The following MRPS22 variants were observed in gnomAD, a reference collection of about 807,000 sequenced individuals.
MRPS22 encodes small ribosomal subunit protein mS22.
MRPS22 carries 30 observed loss-of-function variants against 44.0 expected under a neutral mutation model. That is an observed-to-expected ratio of 0.68 (90% CI 0.51 to 0.93). MRPS22 has a LOEUF of 0.93. Among genes scored for constraint, MRPS22 ranks in the 40% least tolerant of loss-of-function variants. MRPS22 has a pLI of 0.00. For missense variants in MRPS22, 447 were observed against 447.8 expected (o/e 1.00, Z 0.02); for synonymous variants, 165 against 154.4 (o/e 1.07, Z -0.51).
At chr3:139,351,707 TAGAG>T (rs1213827874) in intron 5 of MRPS22, 2 of 157,964 alleles carry the variant, frequency 1.3e-5, no homozygotes, top group East Asian at 1.8e-4. Context: ...GTGTTTCAGG[TAGAG>T]AGAACAGTAT....
chr3:139,344,685 AC>A (rs1560004406), intron 1 of MRPS22: 3 of 701,172 alleles, frequency 4.3e-6, no homozygotes, highest in Non-Finnish European at 7.8e-6. Flanking sequence ...CAGAAATGAG[AC>A]TGAGCACAGA....
At chr3:139,351,256 T>C in intron 5 of MRPS22, 196 bp downstream of exon 5, 2 of 584,504 alleles carry the variant, frequency 3.4e-6, no homozygotes, top group Non-Finnish European at 6.2e-6. Context: ...GATGAGGGAA[T>C]TTAAGCTTGT....
chr3:139,355,834 A>T (rs1342610220), intron 7 of MRPS22, 44 bp downstream of exon 7: 1 of 1,448,962 alleles, frequency 6.9e-7, no homozygotes, highest in South Asian at 1.2e-5. Flanking sequence ...GTGGTAATTG[A>T]GCTGGGAAAA....
At chr3:139,344,262 A>G in intron 1 of MRPS22, 64 bp downstream of exon 1, 1 of 1,530,718 alleles carries the variant, frequency 6.5e-7, no homozygotes, top group Non-Finnish European at 8.8e-7. Context: ...TGTTTCTGGC[A>G]GGCGAAAACC....
intron 1 of MRPS22, among the ~76,000 whole-genome samples, chr3:139,345,450 G>GTTT (rs78050187): frequency 1.2e-4 from 13 of 106,526 alleles, no homozygotes; most frequent in Non-Finnish European, 1.9e-4. Flanking sequence ...TTTTTTTTTT[G>GTTT]TTTTTTTTTT....
rs559798661 is a variant in MRPS22 at position 139,354,273 on chromosome 3, C to T, written c.879-1409C>T. ...TATTGAGATTATTTTAAAATCTTTT[C>T]GAAATATAATTTATTTGCTCTTTAA... On this transcript the variant is annotated intron_variant, in intron 6 of 7. Coordinates refer to ENST00000680020, the MANE Select transcript of MRPS22 (RefSeq NM_020191.4). Among the ~76,000 whole-genome samples the T allele has an allele frequency of 2.5e-4, 38 of 152,224 alleles. 1 individual carries two copies. In the South Asian group the frequency reaches 5.6e-3, roughly 22 times the overall value.
chr3:139,354,929 A>G (rs186647630), intron 6 of MRPS22, among the ~76,000 whole-genome samples: 12 of 152,222 alleles, frequency 7.9e-5, no homozygotes, highest in African/African-American at 2.6e-4. Context: ...AAAGATAGTG[A>G]TTGTTTGGTT....
Position 139,344,104 on chromosome 3 carries a change from G to A in MRPS22, c.78G>A (p.Arg26=). 6.2e-7 allele frequency: 1 copy of A among 1,614,174 alleles called. No homozygotes were observed. Among genetic ancestry groups the A allele is most frequent in the Non-Finnish European group, 8.5e-7 (1 of 1,180,034 alleles). The change falls in exon 1 of 8, where the codon CGG becomes CGA. Residue 26 remains arginine, a synonymous_variant. Coordinates refer to ENST00000680020, the MANE Select transcript of MRPS22 (RefSeq NM_020191.4). The part of the protein sequence containing the change: ...SSPGVERVCF[R]ARIQPWHGGL... ...CGGGCGTGGAACGGGTCTGTTTCCG[G>A]GCTCGAATCCAGCCCTGGCACGGTG...
intron 3 of MRPS22, chr3:139,349,531 T>C (rs192630452): frequency 8.7e-6 from 2 of 231,182 alleles, no homozygotes; most frequent in East Asian, 1.3e-4. Flanking sequence ...TTTCCAGTTA[T>C]ATAACAATAT....
chr3:139,352,863 G>T, intron 6 of MRPS22, 71 bp downstream of exon 6: 1 of 1,522,644 alleles, frequency 6.6e-7, no homozygotes, highest in Non-Finnish European at 9.0e-7. Context: ...TTAGGCTATG[G>T]TATTTTTCCA....
Position 139,352,712 on chromosome 3 carries a change from ATAC to A in MRPS22, c.800_802del (p.Tyr267del). The A allele has an allele frequency of 6.2e-7, 1 of 1,613,610 alleles. No individual in the cohort carries two copies. The highest frequency in any genetic ancestry group is 8.5e-7 in the Non-Finnish European group (1 of 1,179,560). ...AATATGACCTTTTACGTTCAACAAG[ATAC>A]TTTGGTGGAATGGTGTGGTATTTTG... On this transcript the variant is annotated inframe_deletion, in exon 6 of 8. Transcript: ENST00000680020.
At chr3:139,344,836 AGATT>A in intron 1 of MRPS22, 1 of 557,312 alleles carries the variant, frequency 1.8e-6, no homozygotes, top group Non-Finnish European at 3.2e-6. Flanking sequence ...AAGATGAAGA[AGATT>A]AATTAATTGT....
Position 139,348,164 on chromosome 3 carries a change from C to T in MRPS22, c.344C>T (p.Thr115Ile). Reference protein sequence around the residue: ...LMTQAQLEEATRQAVEAAKVR... With the variant: ...LMTQAQLEEAIRQAVEAAKVR... ...ATAAATATTTTCTTTCATTAGGCTA[C>T]AAGACAGGCAGTTGAGGCAGCTAAA... Residue 115 changes from threonine (T) to isoleucine (I), a missense_variant, in exon 3 of 8, where the codon ACA becomes ATA. Transcript: ENST00000680020. 6.2e-7 allele frequency: 1 copy of T among 1,613,988 alleles called. No individual in the cohort carries two copies. The highest frequency in any genetic ancestry group is 1.3e-5 in the African/African-American group (1 of 75,024).
intron 7 of MRPS22, among the ~76,000 whole-genome samples, chr3:139,356,577 C>G (rs58060926): frequency 0.076 from 11,518 of 152,228 alleles, 494 homozygotes; most frequent in Middle Eastern, 0.13. Context: ...TCTTTAAAGT[C>G]AAAAGTTAGT....
chr3:139,347,193 T>A, intron 2 of MRPS22, 149 bp downstream of exon 2: 1 of 958,124 alleles, frequency 1.0e-6, no homozygotes, highest in Non-Finnish European at 1.6e-6. Context: ...GAAATGTGAG[T>A]AGGCTGCCAG....
chr3:139,355,766 T>C lies in MRPS22; in HGVS notation c.963T>C (p.Ala321=), dbSNP rs768350764. The C allele has an allele frequency of 6.2e-7, 1 of 1,614,062 alleles. No homozygotes were observed. Among genetic ancestry groups the C allele is most frequent in the Admixed American group, 1.7e-5 (1 of 60,020 alleles). Residue 321 remains alanine (A), a synonymous_variant, in exon 7 of 8, where the codon GCT becomes GCC. Coordinates refer to ENST00000680020, the MANE Select transcript of MRPS22 (RefSeq NM_020191.4). The part of the protein sequence containing the change: ...GQSAQGAKDQ[A]AEGINLIKVF... ...CGGCTCAAGGGGCCAAGGATCAGGC[T>C]GCTGAGGGAATAAATTTAATCAAGG...
chr3:139,351,051 G>GTA lies in MRPS22; in HGVS notation c.727_728dup (p.Lys244SerfsTer11). ...CCCAGTTTGAGCCAGATTCCACAGA[G>GTA]TATATCAAGGTGAGTAGATTTTAGT... On this transcript the variant is annotated frameshift_variant, in exon 5 of 8. Transcript: ENST00000680020. LOFTEE classifies it high-confidence loss of function. The GTA allele has an allele frequency of 6.2e-7, 1 of 1,613,262 alleles. No individual in the cohort carries two copies. The highest frequency in any genetic ancestry group is 8.5e-7 in the Non-Finnish European group (1 of 1,179,224).
Position 139,346,988 on chromosome 3 carries a change from A to C in MRPS22, c.283A>C (p.Ile95Leu), listed in dbSNP as rs73866065. 6,546 of 1,614,190 alleles carry C rather than the reference A, an allele frequency of 4.1e-3. 191 individuals carry two copies. The African/African-American group carries it at 0.07, about 17-fold the overall frequency. Residue 95 changes from isoleucine to leucine, a missense_variant, in exon 2 of 8, where the codon ATA (isoleucine) becomes CTA (leucine). Coordinates refer to ENST00000680020, the MANE Select transcript of MRPS22 (RefSeq NM_020191.4). ...LNLQKTFKPA[I>L]QELKPPTYKL... Reference sequence around the variant, plus strand: ...CTTGCAGAAGACTTTTAAGCCAGCTATACAAGAACTGAAGCCACCAACCTA... The same window carrying C: ...CTTGCAGAAGACTTTTAAGCCAGCTCTACAAGAACTGAAGCCACCAACCTA...
In MRPS22 at chr3:139,344,092, G is replaced by C; in HGVS notation, c.66G>C (p.Arg22=). 1 of 1,614,150 alleles carries C rather than the reference G, an allele frequency of 6.2e-7. No homozygotes were observed. ...SLLRSSPGVE[R]VCFRARIQPW... is the part of the protein sequence containing the mutation. ...TGAGGAGTTCTCCGGGCGTGGAACG[G>C]GTCTGTTTCCGGGCTCGAATCCAGC... The change falls in exon 1 of 8, where the codon CGG becomes CGC. Residue 22 remains arginine, a synonymous_variant. Coordinates refer to ENST00000680020, the MANE Select transcript of MRPS22 (RefSeq NM_020191.4).
Sources: gnomAD v4.1 joint callset for allele counts (sites outside exome capture counted in the v4.1 genomes callset) on GRCh38, gnomAD v4.1.1 for gene constraint, MANE v1.5 for transcripts, NCBI Gene and HGNC (gene_info 2026-07-23, HGNC 2026-07-21) for gene names.